Variants in TMEM108 observed in about 807,000 individuals in gnomAD.
TMEM108 encodes the protein cancer/testis antigen 124.
In TMEM108, 12 loss-of-function variants were observed where a neutral mutation model predicts 35.1. That is an observed-to-expected ratio of 0.34 (90% CI 0.22 to 0.55). The LOEUF (loss-of-function observed/expected upper bound fraction) is 0.55, where lower values mean the gene tolerates loss of function less well. Among genes scored for constraint, TMEM108 ranks in the 20% least tolerant of loss-of-function variants. The pLI, the probability that TMEM108 is intolerant of heterozygous loss-of-function variation, is 0.89. For synonymous variants in TMEM108, 287 were observed against 308.6 expected, an observed-to-expected ratio of 0.93 and a Z score of 0.73; for missense variants, 680 against 753.3, an observed-to-expected ratio of 0.90 and a Z score of 1.14.
intron 3 of TMEM108, among the ~76,000 whole-genome samples, chr3:133,303,962 T>A (rs1374993841): frequency 6.6e-6 from 1 of 152,208 alleles, no homozygotes; most frequent in African/African-American, 2.4e-5. Flanking sequence ...CATAGCCATG[T>A]GGTAGCTGTT....
At chr3:133,269,388 T>C (rs932950587) in intron 3 of TMEM108, among the ~76,000 whole-genome samples, 2 of 152,280 alleles carry the variant, frequency 1.3e-5, no homozygotes, top group Middle Eastern at 3.4e-3. Context: ...TGGTGGCTAA[T>C]GATTTCAGAC....
intron 3 of TMEM108, among the ~76,000 whole-genome samples, chr3:133,350,958 C>T (rs1331178231): frequency 6.6e-6 from 1 of 152,132 alleles, no homozygotes; most frequent in East Asian, 1.9e-4. Flanking sequence ...CCAGGATTCC[C>T]TAAGTTATAT....
intron 3 of TMEM108, among the ~76,000 whole-genome samples, chr3:133,354,774 A>G (rs966571871): frequency 2.0e-5 from 3 of 150,730 alleles, no homozygotes; most frequent in Non-Finnish European, 4.4e-5. Flanking sequence ...GAAGCTTGTC[A>G]CATTCTACTT....
intron 3 of TMEM108, among the ~76,000 whole-genome samples, chr3:133,245,081 T>A (rs1034644116): frequency 2.0e-5 from 3 of 152,236 alleles, no homozygotes; most frequent in African/African-American, 4.8e-5. Flanking sequence ...ACAGGACTTT[T>A]ATTCCCTAGA....
At chr3:133,302,514 C>T (rs150674742) in intron 3 of TMEM108, among the ~76,000 whole-genome samples, 6 of 147,472 alleles carry the variant, frequency 4.1e-5, no homozygotes, top group Admixed American at 1.4e-4. Context: ...CTCTGCCTCC[C>T]GGGTTCACAC....
chr3:133,191,423 G>T (rs531768623), intron 2 of TMEM108, among the ~76,000 whole-genome samples: 1 of 152,248 alleles, frequency 6.6e-6, no homozygotes, highest in South Asian at 2.1e-4. Flanking sequence ...CACTATATCT[G>T]GCAGGGTACG....
At chr3:133,314,437 A>T (rs1020440417) in intron 3 of TMEM108, among the ~76,000 whole-genome samples, 3 of 152,332 alleles carry the variant, frequency 2.0e-5, no homozygotes, top group Admixed American at 2.0e-4. Flanking sequence ...CAATGATGGA[A>T]CGCAATTTCC....
At position 133,360,248 on chromosome 3, in the gene TMEM108, G is replaced by A. The variant is rs1559926351; in HGVS notation, c.41-19504G>A. Among the ~76,000 whole-genome samples the A allele has an allele frequency of 2.0e-5, 3 of 152,170 alleles. No homozygotes were observed. The South Asian group carries it at 6.2e-4, about 32-fold the overall frequency. ...GGGAACTTTATGGAGAGACAGAAGT[G>A]TTCTGTGTCTTGATTATAGTAGTGG... On this transcript the variant is annotated intron_variant, in intron 3 of 5. Transcript: ENST00000321871.
chr3:133,302,415 CTTTTTT>C (rs927704510), intron 3 of TMEM108, among the ~76,000 whole-genome samples: 32 of 110,102 alleles, frequency 2.9e-4, no homozygotes, highest in African/African-American at 8.9e-4. Flanking sequence ...TTCTTTCTTT[CTTTTTT>C]TTTTTTTTTT....
chr3:133,206,401 G>T (rs1945754686), intron 2 of TMEM108, among the ~76,000 whole-genome samples: 1 of 152,208 alleles, frequency 6.6e-6, no homozygotes, highest in African/African-American at 2.4e-5. Context: ...GGAATTTTCA[G>T]CCTTTTTGGG....
At chr3:133,298,739 A>T (rs1229184445) in intron 3 of TMEM108, among the ~76,000 whole-genome samples, 1 of 152,196 alleles carries the variant, frequency 6.6e-6, no homozygotes, top group African/African-American at 2.4e-5. Flanking sequence ...CTGCCCAAGG[A>T]CACAGAGTTG....
At chr3:133,147,939 T>G (rs1186400039) in intron 2 of TMEM108, among the ~76,000 whole-genome samples, 13 of 151,742 alleles carry the variant, frequency 8.6e-5, no homozygotes. Context: ...TTTGTCTGAT[T>G]AAAAACCCTC....
At chr3:133,075,646 C>A (rs570696808) in intron 2 of TMEM108, among the ~76,000 whole-genome samples, 1 of 152,170 alleles carries the variant, frequency 6.6e-6, no homozygotes, top group Non-Finnish European at 1.5e-5. Context: ...TCCTCCCTTG[C>A]ACCTATCCTT....
At chr3:133,196,149 C>G (rs1373351444) in intron 2 of TMEM108, among the ~76,000 whole-genome samples, 1 of 152,160 alleles carries the variant, frequency 6.6e-6, no homozygotes, top group Non-Finnish European at 1.5e-5. Flanking sequence ...ATGTCTATGG[C>G]CTCCTTGACC....
chr3:133,192,262 A>C (rs1198332073), intron 2 of TMEM108, among the ~76,000 whole-genome samples: 2 of 152,178 alleles, frequency 1.3e-5, no homozygotes, highest in African/African-American at 2.4e-5. Context: ...AAGCAGTTGA[A>C]ATATGTATTG....
intron 2 of TMEM108, among the ~76,000 whole-genome samples, chr3:133,096,029 G>A (rs189811255): frequency 1.4e-4 from 21 of 152,268 alleles, no homozygotes; most frequent in Non-Finnish European, 2.6e-4. Flanking sequence ...CTGCACTCAA[G>A]GAAAAAGACT....
At chr3:133,205,067 T>G (rs955581907) in intron 2 of TMEM108, among the ~76,000 whole-genome samples, 2 of 152,122 alleles carry the variant, frequency 1.3e-5, no homozygotes, top group African/African-American at 4.8e-5. Flanking sequence ...GCCCTTTTTT[T>G]GTCTTTTTTG....
intron 3 of TMEM108, among the ~76,000 whole-genome samples, chr3:133,300,863 C>A (rs557458038): frequency 6.6e-6 from 1 of 152,014 alleles, no homozygotes; most frequent in South Asian, 2.1e-4. Context: ...AGTTTACTAT[C>A]TCTAGGAATT....
At chr3:133,079,362 G>T (rs761463450) in intron 2 of TMEM108, among the ~76,000 whole-genome samples, 7 of 152,148 alleles carry the variant, frequency 4.6e-5, no homozygotes, top group African/African-American at 1.7e-4. Flanking sequence ...GCCTTAGTCC[G>T]TTTGGGTTGC....
Sources: gnomAD v4.1 joint callset for allele counts (sites outside exome capture counted in the v4.1 genomes callset) on GRCh38, gnomAD v4.1.1 for gene constraint, MANE v1.5 for transcripts, NCBI Gene and HGNC (gene_info 2026-07-23, HGNC 2026-07-21) for gene names.